The following GALNT8 variants were observed in gnomAD, a reference collection of about 807,000 sequenced individuals.
GALNT8 encodes polypeptide N-acetylgalactosaminyltransferase 8, also known as probable polypeptide N-acetylgalactosaminyltransferase 8.
In GALNT8, 66 loss-of-function variants were observed where a neutral mutation model predicts 62.7. The ratio of observed to expected loss-of-function variants is 1.05; its 90% CI spans 0.86 to 1.29. GALNT8 has a LOEUF of 1.29. Among genes scored for constraint, GALNT8 ranks in the 50% most tolerant of loss-of-function variants. The pLI is 0.00. For missense variants in GALNT8, 771 were observed against 791.8 expected, an observed-to-expected ratio of 0.97 and a Z score of 0.32; for synonymous variants, 288 against 294.3, an observed-to-expected ratio of 0.98 and a Z score of 0.22.
intron 6 of GALNT8, among the ~76,000 whole-genome samples, 164 bp from the exon 7 acceptor site, chr12:4,760,794 G>A (rs774838521): frequency 1.3e-5 from 2 of 152,192 alleles, no homozygotes; most frequent in Non-Finnish European, 2.9e-5. Flanking sequence ...TCTAAGGAAA[G>A]ATGATTTAGA....
rs1946293449 is a variant in GALNT8, at chr12:4,745,454, C to T, written c.886C>T (p.Gln296Ter). 2.5e-6 allele frequency: 4 copies of T among 1,612,586 alleles called. No individual in the cohort carries two copies. Among genetic ancestry groups the T allele is most frequent in the Non-Finnish European group, 3.4e-6 (4 of 1,178,588 alleles). ...GGCAGAGCCAATCTTGGCTCGGATT[C>T]AGGAGGACCGCACTGTGATTGTGTC... is the stretch of plus-strand genomic sequence containing the variant. ...GWAEPILARI[Q>*]EDRTVIVSPV... The change falls in exon 5 of 11, where the codon CAG becomes TAG. Residue 296 changes from glutamine (Q) to a stop codon, truncating the protein, a stop_gained. Transcript: ENST00000252318. LOFTEE classifies it high-confidence loss of function.
chr12:4,732,335 C>G (rs1946225239), intron 2 of GALNT8, among the ~76,000 whole-genome samples: 1 of 152,274 alleles, frequency 6.6e-6, no homozygotes, highest in East Asian at 1.9e-4. Flanking sequence ...CACTGTGATT[C>G]TCCACCGGGA....
At chr12:4,727,470 A>G (rs2137518906) in intron 2 of GALNT8, among the ~76,000 whole-genome samples, 1 of 152,318 alleles carries the variant, frequency 6.6e-6, no homozygotes, top group East Asian at 1.9e-4. Flanking sequence ...AAACATTTTC[A>G]TCACTTTAAA....
intron 2 of GALNT8, among the ~76,000 whole-genome samples, chr12:4,728,689 GAT>G (rs1300070715): frequency 6.6e-6 from 1 of 151,988 alleles, no homozygotes; most frequent in African/African-American, 2.4e-5. Context: ...TTTATTTCTG[GAT>G]ATCAATCCTC....
intron 1 of GALNT8, among the ~76,000 whole-genome samples, chr12:4,721,510 C>G (rs1192773845): frequency 1.3e-5 from 2 of 152,104 alleles, no homozygotes; most frequent in Non-Finnish European, 2.9e-5. Flanking sequence ...GTCTCTGCAT[C>G]ATAGACAAGG....
intron 1 of GALNT8, among the ~76,000 whole-genome samples, chr12:4,725,838 G>A (rs557360404): frequency 1.3e-5 from 2 of 152,172 alleles, no homozygotes; most frequent in African/African-American, 2.4e-5. Context: ...ACAGGCGTGA[G>A]CCACCACGCC....
At chr12:4,763,227 A>G (rs1946380513) in intron 7 of GALNT8, 26 bp from the exon 8 acceptor site, 2 of 1,604,008 alleles carry the variant, frequency 1.2e-6, no homozygotes, top group African/African-American at 1.3e-5. Context: ...ATCAAAGCAC[A>G]GAAACACTTG....
Position 4,749,636 on chromosome 12 carries a change from C to T in GALNT8, c.1173+3378C>T, listed in dbSNP as rs975048469. Among the ~76,000 whole-genome samples, 1 of 148,358 alleles carries T rather than the reference C, an allele frequency of 6.7e-6. No homozygotes were observed. Among genetic ancestry groups the T allele is most frequent in the African/African-American group, 2.5e-5 (1 of 40,290 alleles). The stretch of plus-strand genomic sequence containing the variant: ...GTTTTCTTTTCTTTTTTTTTTTTAA[C>T]GTGTCTTTGTCTTGTTTTGGTAGCA... On this transcript the variant is annotated intron_variant, in intron 6 of 10. Coordinates refer to ENST00000252318, the MANE Select transcript of GALNT8 (RefSeq NM_017417.2). This position sits in a 1 kb window ranked among gnomAD's most constrained non-coding sequence, Gnocchi z 4.1.
At chr12:4,758,641 A>AGAG (rs1189467889) in intron 6 of GALNT8, among the ~76,000 whole-genome samples, 655 of 55,064 alleles carry the variant, frequency 0.012, 5 homozygotes, top group African/African-American at 0.033. Context: ...TGTGTGTGAG[A>AGAG]GAGAGAGAGA....
chr12:4,724,928 G>A (rs757009842), intron 1 of GALNT8, among the ~76,000 whole-genome samples: 10 of 152,284 alleles, frequency 6.6e-5, no homozygotes, highest in South Asian at 4.1e-4. Context: ...GCTGTGGCAC[G>A]AGATGCATCT....
chr12:4,760,601 G>A (rs563306374), intron 6 of GALNT8, among the ~76,000 whole-genome samples: 1 of 152,188 alleles, frequency 6.6e-6, no homozygotes, highest in Non-Finnish European at 1.5e-5. Context: ...GGCAGAGAAG[G>A]GGCATGAGGA....
At chr12:4,722,023 A>G (rs1209545408) in intron 1 of GALNT8, among the ~76,000 whole-genome samples, 1 of 152,218 alleles carries the variant, frequency 6.6e-6, no homozygotes, top group Non-Finnish European at 1.5e-5. Flanking sequence ...TAATCCATTT[A>G]ACCCTGAGTC....
At chr12:4,742,264 C>T (rs1267187476) in intron 3 of GALNT8, among the ~76,000 whole-genome samples, 1 of 152,206 alleles carries the variant, frequency 6.6e-6, no homozygotes, top group Non-Finnish European at 1.5e-5. Context: ...TGCCTCCTTT[C>T]TGTCTTTCCC....
At chr12:4,744,299 G>T (rs545611407) in intron 3 of GALNT8, among the ~76,000 whole-genome samples, 1 of 152,214 alleles carries the variant, frequency 6.6e-6, no homozygotes, top group Non-Finnish European at 1.5e-5. Flanking sequence ...TAGTTTAACT[G>T]TCAGGGAAAG....
rs752597969 is a variant in GALNT8 at position 4,739,270 on chromosome 12, A to G, written c.617A>G (p.Asn206Ser). The G allele has an allele frequency of 1.3e-5, 21 of 1,613,786 alleles. No homozygotes were observed. The highest frequency in any genetic ancestry group is 1.7e-5 in the Non-Finnish European group (20 of 1,179,820). The change falls in exon 3 of 11, where the codon AAC becomes AGC. Residue 206 changes from asparagine to serine, a missense_variant. By Grantham distance (46) the Asn-to-Ser change is conservative. Transcript: ENST00000252318. ...IIQRAITSII[N>S]RTPSRLLKEI... ...CAACGGGCCATCACCAGTATCATCA[A>G]CCGGACGCCCTCTCGATTGTTGAAG...
intron 2 of GALNT8, among the ~76,000 whole-genome samples, chr12:4,738,327 A>AAAATG (rs2137526790): frequency 6.6e-6 from 1 of 152,364 alleles, no homozygotes; most frequent in East Asian, 1.9e-4. Context: ...CTCTTAGAAA[A>AAAATG]AAATGACAGC....
intron 3 of GALNT8, among the ~76,000 whole-genome samples, chr12:4,741,428 A>C (rs1946271595): frequency 6.6e-6 from 1 of 152,024 alleles, no homozygotes; most frequent in Non-Finnish European, 1.5e-5. Flanking sequence ...GATTAGAAAG[A>C]CCTCTGCCTT....
chr12:4,758,858 C>A lies in GALNT8; in HGVS notation c.1174-2100C>A, dbSNP rs150331900. On this transcript the variant is annotated intron_variant, in intron 6 of 10. Transcript: ENST00000252318. ...GTGGCGCAATCTAGGCTCATTGCAA[C>A]CTCCACCTCCCAGGTTCAAGTGATT... Among the ~76,000 whole-genome samples the A allele has an allele frequency of 9.5e-3, 1,441 of 151,760 alleles. 21 individuals carry two copies. Among genetic ancestry groups the A allele is most frequent in the African/African-American group, 0.032 (1,325 of 41,310 alleles).
intron 9 of GALNT8, among the ~76,000 whole-genome samples, chr12:4,764,530 ATTTTTTTTTTT>A (rs58809573): frequency 2.4e-4 from 25 of 102,248 alleles, no homozygotes; most frequent in South Asian, 7.8e-4. Context: ...CAGTCAGGGG[ATTTTTTTTTTT>A]TTTTTTTTTT....
Sources: allele counts gnomAD v4.1 joint callset (sites outside exome capture counted in the v4.1 genomes callset), GRCh38; gene constraint gnomAD v4.1.1; non-coding constraint Gnocchi (gnomAD v3.1); transcripts MANE v1.5; gene names NCBI Gene and HGNC (gene_info 2026-07-23, HGNC 2026-07-21).